The following RORA variants were observed in gnomAD, a reference collection of about 807,000 sequenced individuals.
RORA encodes the protein RAR related orphan receptor A.
In RORA, 7 loss-of-function variants were observed where a neutral mutation model predicts 69.5. That is an observed-to-expected ratio of 0.10 (90% CI 0.06 to 0.19). The LOEUF is 0.19. Among genes scored for constraint, RORA ranks in the 10% least tolerant of loss-of-function variants. The pLI is 1.00. For synonymous variants in RORA, 261 were observed against 240.8 expected (o/e 1.08, Z -0.78); for missense variants, 457 against 663.0 (o/e 0.69, Z 3.41).
intron 1 of RORA, among the ~76,000 whole-genome samples, chr15:61,208,651 C>T (rs2079963310): frequency 6.6e-6 from 1 of 152,080 alleles, no homozygotes; most frequent in Admixed American, 6.5e-5. Flanking sequence ...AATATCAGAG[C>T]TGGCAGGAAG....
At chr15:60,967,051 C>T (rs1893572351) in intron 1 of RORA, among the ~76,000 whole-genome samples, 1 of 152,144 alleles carries the variant, frequency 6.6e-6, no homozygotes, top group African/African-American at 2.4e-5. Context: ...CCAACTGGGA[C>T]CAACTCCCTA....
chr15:60,658,390 G>C (rs2070254857), intron 2 of RORA, among the ~76,000 whole-genome samples: 1 of 152,184 alleles, frequency 6.6e-6, no homozygotes, highest in South Asian at 2.1e-4. Context: ...TTTCCATATA[G>C]TAGGAGGTCA....
chr15:61,135,289 C>T (rs1293470432), intron 1 of RORA, among the ~76,000 whole-genome samples: 1 of 151,908 alleles, frequency 6.6e-6, no homozygotes, highest in Non-Finnish European at 1.5e-5. Flanking sequence ...CATGATTATG[C>T]CACCACACTC....
At chr15:61,084,613 C>A (rs994522305) in intron 1 of RORA, among the ~76,000 whole-genome samples, 12 of 152,160 alleles carry the variant, frequency 7.9e-5, no homozygotes, top group African/African-American at 2.9e-4. Context: ...AGTTTGAGTT[C>A]TCTTGGCAGA....
intron 1 of RORA, among the ~76,000 whole-genome samples, chr15:60,808,412 T>C (rs770758407): frequency 2.0e-5 from 3 of 152,016 alleles, no homozygotes; most frequent in Non-Finnish European, 2.9e-5. Context: ...ATTTAAAAAA[T>C]AGATGTTAGT....
intron 1 of RORA, among the ~76,000 whole-genome samples, chr15:60,852,617 T>C (rs1275950688): frequency 6.6e-6 from 1 of 152,152 alleles, no homozygotes. Context: ...GAAAGCAACC[T>C]GGGAATATTT....
chr15:60,638,351 T>A (rs1236238542), intron 2 of RORA, among the ~76,000 whole-genome samples: 1 of 151,954 alleles, frequency 6.6e-6, no homozygotes, highest in East Asian at 1.9e-4. Context: ...TATAGGTGAT[T>A]TTTTTCTTGT....
At chr15:61,098,114 T>C in intron 1 of RORA, among the ~76,000 whole-genome samples, 1 of 110,008 alleles carries the variant, frequency 9.1e-6, no homozygotes, top group Non-Finnish European at 1.8e-5. Context: ...CCTCCCTCCC[T>C]CCTTCCTTCT....
At chr15:60,908,891 T>A (rs1055452397) in intron 1 of RORA, among the ~76,000 whole-genome samples, 1 of 151,962 alleles carries the variant, frequency 6.6e-6, no homozygotes, top group Admixed American at 6.6e-5. Context: ...TTTTTTTTTA[T>A]TAAAGAGAGT....
intron 3 of RORA, among the ~76,000 whole-genome samples, chr15:60,520,479 A>G (rs2066127718): frequency 6.6e-6 from 1 of 152,200 alleles, no homozygotes; most frequent in Admixed American, 6.5e-5. Flanking sequence ...TAAATAACAC[A>G]TAAGAGGAAG....
chr15:60,567,870 G>A (rs920192643), intron 2 of RORA, among the ~76,000 whole-genome samples: 1 of 151,880 alleles, frequency 6.6e-6, no homozygotes, highest in African/African-American at 2.4e-5. Flanking sequence ...GAAGTTATAC[G>A]GTGTTAAATA....
At chr15:60,927,861 T>G (rs1006665220) in intron 1 of RORA, among the ~76,000 whole-genome samples, 4 of 152,188 alleles carry the variant, frequency 2.6e-5, no homozygotes, top group African/African-American at 9.7e-5. Context: ...TTCAGTCCGA[T>G]GTTCTCATTT....
intron 1 of RORA, among the ~76,000 whole-genome samples, chr15:60,919,405 C>A (rs189718127): frequency 1.1e-4 from 16 of 152,318 alleles, no homozygotes; most frequent in Non-Finnish European, 2.1e-4. Flanking sequence ...GGCCTGGAGC[C>A]CACACAGGCC....
chr15:60,666,615 C>A (rs2070386587), intron 2 of RORA, among the ~76,000 whole-genome samples: 1 of 152,192 alleles, frequency 6.6e-6, no homozygotes, highest in African/African-American at 2.4e-5. Context: ...TTGGAGAAGG[C>A]TTTGCACGGC....
rs187147025 is a variant in RORA, at chr15:60,604,312, C to T, written c.197-72461G>A. 8.9e-4 allele frequency among the ~76,000 whole-genome samples: 135 copies of T among 152,150 alleles called. 1 individual carries two copies. The highest frequency in any genetic ancestry group is 2.9e-3 in the African/African-American group (122 of 41,506). The stretch of plus-strand genomic sequence containing the variant: ...GTGCACATACTTGTCTGCCAATGAC[C>T]GCATACCCAGTGTTGATTTTGGGGT... On this transcript the variant is annotated intron_variant, in intron 2 of 10. Coordinates refer to ENST00000335670, the MANE Select transcript of RORA (RefSeq NM_134261.3).
At chr15:60,505,280 G>A (rs1177675036) in intron 6 of RORA, among the ~76,000 whole-genome samples, 1 of 152,232 alleles carries the variant, frequency 6.6e-6, no homozygotes, top group Admixed American at 6.5e-5. Flanking sequence ...AAGGAGGTAT[G>A]TGTATACCTA....
At chr15:60,627,462 G>A (rs2069621039) in intron 2 of RORA, 4 of 1,576,286 alleles carry the variant, frequency 2.5e-6, no homozygotes, top group Non-Finnish European at 3.4e-6. Context: ...TCAGACAGAT[G>A]GCTCCAACAG....
chr15:60,584,185 T>C (rs2068266464), intron 2 of RORA, among the ~76,000 whole-genome samples: 1 of 152,180 alleles, frequency 6.6e-6, no homozygotes, highest in African/African-American at 2.4e-5. Context: ...ATACATGCCT[T>C]CGTGGGCCTC....
chr15:60,817,591 C>T (rs1299633950), intron 1 of RORA, among the ~76,000 whole-genome samples: 3 of 152,222 alleles, frequency 2.0e-5, no homozygotes, highest in Admixed American at 6.5e-5. Flanking sequence ...TTTGTTTCTT[C>T]AGTAACACCA....
Sources: gnomAD v4.1 joint callset for allele counts (sites outside exome capture counted in the v4.1 genomes callset) on GRCh38, gnomAD v4.1.1 for gene constraint, MANE v1.5 for transcripts, NCBI Gene and HGNC (gene_info 2026-07-23, HGNC 2026-07-21) for gene names.